Variants in GALNT13 observed in about 807,000 individuals in gnomAD.
GALNT13 encodes the protein UDP-GalNAc:polypeptide N-acetylgalactosaminyltransferase 13.
In GALNT13, 28 loss-of-function variants were observed where a neutral mutation model predicts 64.2. The observed-to-expected ratio is 0.44, with a 90% CI of 0.32 to 0.60. GALNT13 has a LOEUF of 0.60. Ranked by LOEUF, GALNT13 falls within the 20% of genes least tolerant of loss-of-function variation. The pLI is 0.05. For missense variants in GALNT13, 577 were observed against 669.8 expected (o/e 0.86, Z 1.53); for synonymous variants, 214 against 224.6 (o/e 0.95, Z 0.42).
the GALNT13 span, among the ~76,000 whole-genome samples, chr2:153,253,230 A>G: frequency 0.13 from 19,203 of 148,440 alleles, 1,476 homozygotes; most frequent in Non-Finnish European, 0.18. Flanking sequence ...CTTTGAAGCA[A>G]TTGTGAATGG....
intron 3 of GALNT13, among the ~76,000 whole-genome samples, chr2:154,024,862 T>C (rs1574359468): frequency 6.6e-6 from 1 of 152,204 alleles, no homozygotes; most frequent in Admixed American, 6.5e-5. Context: ...GACATACTGA[T>C]GGGTTTTTGG....
chr2:153,295,527 T>TAAAA, the GALNT13 span, among the ~76,000 whole-genome samples: 1 of 139,750 alleles, frequency 7.2e-6, no homozygotes, highest in Non-Finnish European at 1.5e-5. Flanking sequence ...CTGGAGTACC[T>TAAAA]AAAAAAAAAA....
chr2:153,409,327 C>A, the GALNT13 span, among the ~76,000 whole-genome samples: 9 of 145,668 alleles, frequency 6.2e-5, no homozygotes, highest in Admixed American at 2.1e-4. Flanking sequence ...TGTATATATT[C>A]ATATGTATAT....
intron 3 of GALNT13, among the ~76,000 whole-genome samples, chr2:153,981,406 C>T (rs1396200876): frequency 1.3e-5 from 2 of 152,000 alleles, no homozygotes; most frequent in South Asian, 2.1e-4. Context: ...GTGATGTTCC[C>T]CTTCCTGTGT....
At chr2:154,021,106 T>C (rs915375945) in intron 3 of GALNT13, among the ~76,000 whole-genome samples, 2 of 152,168 alleles carry the variant, frequency 1.3e-5, no homozygotes, top group Admixed American at 1.3e-4. Flanking sequence ...TACTGTAGCC[T>C]TGTAGTATAG....
At chr2:153,250,542 T>C in the GALNT13 span, among the ~76,000 whole-genome samples, 1 of 152,120 alleles carries the variant, frequency 6.6e-6, no homozygotes, top group African/African-American at 2.4e-5. Flanking sequence ...TATATACCCA[T>C]AGGATTATAA....
chr2:153,325,674 C>T, the GALNT13 span, among the ~76,000 whole-genome samples: 1 of 152,156 alleles, frequency 6.6e-6, no homozygotes, highest in African/African-American at 2.4e-5. Context: ...TTAGCTATGT[C>T]CCAGAGATTC....
the GALNT13 span, among the ~76,000 whole-genome samples, chr2:153,251,655 G>A: frequency 8.0e-6 from 1 of 125,034 alleles, no homozygotes; most frequent in Admixed American, 1.1e-4. Context: ...AGAGTGTGAT[G>A]TTCCCCTTCC....
the GALNT13 span, among the ~76,000 whole-genome samples, chr2:153,852,711 T>C: frequency 6.6e-6 from 1 of 152,214 alleles, no homozygotes; most frequent in African/African-American, 2.4e-5. Flanking sequence ...GTAAGTGGTA[T>C]AACCACTGAA....
intron 9 of GALNT13, among the ~76,000 whole-genome samples, chr2:154,324,452 A>G (rs956402156): frequency 1.1e-4 from 17 of 152,102 alleles, no homozygotes; most frequent in Non-Finnish European, 1.5e-5. Context: ...ATATTGTGAT[A>G]TATTTAACTT....
At chr2:153,488,416 C>T in the GALNT13 span, among the ~76,000 whole-genome samples, 1 of 152,194 alleles carries the variant, frequency 6.6e-6, no homozygotes, top group East Asian at 1.9e-4. Context: ...CTATAGTATA[C>T]TGCTCCAAGT....
At chr2:153,510,284 A>G in the GALNT13 span, among the ~76,000 whole-genome samples, 1 of 152,190 alleles carries the variant, frequency 6.6e-6, no homozygotes, top group African/African-American at 2.4e-5. Context: ...TATTGTTTCC[A>G]AAAGACTTGT....
chr2:153,817,058 T>G, the GALNT13 span, among the ~76,000 whole-genome samples: 133,631 of 152,184 alleles, frequency 0.88, 59,452 homozygotes, highest in Non-Finnish European at 0.92. Flanking sequence ...GTAATAAGGT[T>G]TGGCAGAAAG....
At chr2:153,138,709 T>C in the GALNT13 span, among the ~76,000 whole-genome samples, 1 of 152,084 alleles carries the variant, frequency 6.6e-6, no homozygotes, top group African/African-American at 2.4e-5. Context: ...TAAGTACTCA[T>C]TTTTACTTGA....
At chr2:153,690,268 C>T in the GALNT13 span, among the ~76,000 whole-genome samples, 1 of 152,098 alleles carries the variant, frequency 6.6e-6, no homozygotes, top group African/African-American at 2.4e-5. Context: ...TATACTATTT[C>T]CTGAAATACC....
At chr2:154,280,095 AATG>A (rs1444538066) in intron 8 of GALNT13, among the ~76,000 whole-genome samples, 2 of 152,180 alleles carry the variant, frequency 1.3e-5, no homozygotes, top group Non-Finnish European at 2.9e-5. Flanking sequence ...CTAGAAACAA[AATG>A]ACTCTAGCTG....
chr2:153,726,525 G>A, the GALNT13 span, among the ~76,000 whole-genome samples: 16 of 152,034 alleles, frequency 1.1e-4, no homozygotes, highest in Non-Finnish European at 2.2e-4. Flanking sequence ...CAAATAAAAC[G>A]CTTTCAGACA....
At chr2:153,831,228 C>T in the GALNT13 span, among the ~76,000 whole-genome samples, 135,758 of 152,172 alleles carry the variant, frequency 0.89, 61,399 homozygotes, top group Non-Finnish European at 0.94. Context: ...TAAGTTATCA[C>T]TATTCTATCA....
chr2:153,105,748 G>A, the GALNT13 span, among the ~76,000 whole-genome samples: 136,845 of 151,850 alleles, frequency 0.9, 62,655 homozygotes, highest in Non-Finnish European at 0.98. Flanking sequence ...CCAAATCATG[G>A]GTGAACTCCC....
Sources: allele counts gnomAD v4.1 joint callset (sites outside exome capture counted in the v4.1 genomes callset), GRCh38; gene constraint gnomAD v4.1.1; transcripts MANE v1.5; gene names NCBI Gene and HGNC (gene_info 2026-07-23, HGNC 2026-07-21).